CSMD1: variants seen among roughly 807,000 people sequenced by gnomAD.
The protein encoded by CSMD1 is CUB and sushi domain-containing protein 1.
CSMD1 carries 213 observed loss-of-function variants against 417.5 expected under a neutral mutation model. The observed-to-expected ratio is 0.51, with a 90% CI of 0.46 to 0.57. CSMD1 has a LOEUF of 0.57. Ranked by LOEUF, CSMD1 falls within the 20% of genes least tolerant of loss-of-function variation. The pLI is 0.00. For synonymous variants in CSMD1, 2,862 were observed against 1,736.8 expected, an observed-to-expected ratio of 1.65 and a Z score of -16.11; for missense variants, 6,923 against 4,529.7, an observed-to-expected ratio of 1.53 and a Z score of -15.17.
intron 49 of CSMD1, among the ~76,000 whole-genome samples, chr8:3,059,378 G>C (rs1812443066): frequency 6.9e-6 from 1 of 144,334 alleles, no homozygotes. Context: ...GCTTTTCTCT[G>C]CAACAACTCA....
intron 3 of CSMD1, among the ~76,000 whole-genome samples, chr8:4,191,625 C>G (rs913640904): frequency 1.3e-5 from 2 of 150,220 alleles, no homozygotes; most frequent in Admixed American, 6.7e-5. Flanking sequence ...AAGAAAACTA[C>G]AAGATACATT....
intron 26 of CSMD1, among the ~76,000 whole-genome samples, chr8:3,261,914 A>G (rs980823349): frequency 6.6e-6 from 1 of 151,930 alleles, no homozygotes; most frequent in African/African-American, 2.4e-5. Context: ...TCCTGGGGGA[A>G]ATGTCCTACT....
At chr8:3,625,861 T>C (rs1226141535) in intron 7 of CSMD1, among the ~76,000 whole-genome samples, 4 of 152,162 alleles carry the variant, frequency 2.6e-5, no homozygotes, top group African/African-American at 9.7e-5. Flanking sequence ...AGATTTTTCA[T>C]AAGGGCTCAG....
intron 6 of CSMD1, among the ~76,000 whole-genome samples, chr8:3,730,838 T>C (rs1321482948): frequency 6.6e-6 from 1 of 152,172 alleles, no homozygotes; most frequent in African/African-American, 2.4e-5. Context: ...TTATGCCAGA[T>C]ATTAGGAAAT....
Position 4,240,971 on chromosome 8 carries a change from G to C in CSMD1, c.415+178982C>G, listed in dbSNP as rs138088576. Among the ~76,000 whole-genome samples the C allele has an allele frequency of 3.4e-3, 520 of 152,150 alleles. 6 individuals are homozygous for C. Among genetic ancestry groups the C allele is most frequent in the African/African-American group, 0.012 (496 of 41,516 alleles). ...ATTATACCTTCTAAATACCCTTTAA[G>C]TCTGTTCAATTATTTCCAGCCAACG... On this transcript the variant is annotated intron_variant, in intron 3 of 69. Coordinates refer to ENST00000635120, the MANE Select transcript of CSMD1 (RefSeq NM_033225.6).
At chr8:4,164,131 G>A (rs926791494) in intron 3 of CSMD1, among the ~76,000 whole-genome samples, 2 of 151,402 alleles carry the variant, frequency 1.3e-5, no homozygotes, top group African/African-American at 2.4e-5. Flanking sequence ...TATTATACCT[G>A]ATAGTGTTCT....
chr8:3,119,931 C>A (rs1817098319), intron 41 of CSMD1, among the ~76,000 whole-genome samples: 1 of 152,110 alleles, frequency 6.6e-6, no homozygotes, highest in East Asian at 1.9e-4. Flanking sequence ...AAAATCAAGT[C>A]ATAAAATAAA....
At chr8:3,778,555 G>C (rs765626887) in intron 5 of CSMD1, among the ~76,000 whole-genome samples, 2 of 152,132 alleles carry the variant, frequency 1.3e-5, no homozygotes, top group Non-Finnish European at 2.9e-5. Flanking sequence ...CTCTTGCCTG[G>C]GGTTTATTTT....
rs543948128 is a variant in CSMD1, at chr8:4,638,012, G to C, written c.86-454C>G. Among the ~76,000 whole-genome samples the C allele has an allele frequency of 3.3e-5, 5 of 152,240 alleles. No individual in the cohort carries two copies. The East Asian group carries it at 9.7e-4, about 29-fold the overall frequency. On this transcript the variant is annotated intron_variant, in intron 1 of 69. Coordinates refer to ENST00000635120, the MANE Select transcript of CSMD1 (RefSeq NM_033225.6). ...ATTTTATAATTCTTGCACAAATATT[G>C]AAGGATAAATTAAGTGTTCTGCAGT...
chr8:3,653,138 T>C (rs1797943393), intron 7 of CSMD1, among the ~76,000 whole-genome samples: 1 of 151,940 alleles, frequency 6.6e-6, no homozygotes, highest in Admixed American at 6.6e-5. Context: ...GCCCTATAAA[T>C]TCAAATTTTT....
In CSMD1 at chr8:3,367,311, G is replaced by A. The variant is rs980468784; in HGVS notation, c.2900-64C>T. 3.0e-5 allele frequency: 31 copies of A among 1,040,148 alleles called. No homozygotes were observed. The African/African-American group carries it at 4.1e-4, about 14-fold the overall frequency. 64.4% of individuals were successfully genotyped at this position (1,040,148 alleles called of 1,614,324 possible). On this transcript the variant is annotated intron_variant, in intron 19 of 69. Transcript: ENST00000635120. Reference sequence around the variant, plus strand: ...AGAGACACACGGGGCGGCGGGGGCAGAGAGGGAGCGGGGCAGAGAGAGACA... The same window carrying A: ...AGAGACACACGGGGCGGCGGGGGCAAAGAGGGAGCGGGGCAGAGAGAGACA...
chr8:4,813,425 G>A (rs1045236299), intron 1 of CSMD1, among the ~76,000 whole-genome samples: 1 of 152,108 alleles, frequency 6.6e-6, no homozygotes, highest in Non-Finnish European at 1.5e-5. Flanking sequence ...CAGCCTACCA[G>A]TCTGCCTTGT....
At chr8:4,930,013 G>A (rs903889319) in intron 1 of CSMD1, among the ~76,000 whole-genome samples, 2 of 152,140 alleles carry the variant, frequency 1.3e-5, no homozygotes, top group South Asian at 2.1e-4. Flanking sequence ...CACTGATGAG[G>A]TGAATGAAGA....
At position 3,930,296 on chromosome 8, in the gene CSMD1, C is replaced by G. The variant is rs561387667; in HGVS notation, c.818+67607G>C. Reference sequence around the variant, plus strand: ...AATAGTAACTTCTCTTAGAAGCAAACTTTATTCAAAGACCTGTGCTAACAC... The same window carrying G: ...AATAGTAACTTCTCTTAGAAGCAAAGTTTATTCAAAGACCTGTGCTAACAC... On this transcript the variant is annotated intron_variant, in intron 5 of 69. Coordinates refer to ENST00000635120, the MANE Select transcript of CSMD1 (RefSeq NM_033225.6). Among the ~76,000 whole-genome samples the G allele has an allele frequency of 1.0e-4, 15 of 150,478 alleles. 1 individual carries two copies. Among genetic ancestry groups the G allele is most frequent in the South Asian group, 6.4e-4 (3 of 4,672 alleles).
At chr8:4,611,038 C>A (rs543529203) in intron 2 of CSMD1, among the ~76,000 whole-genome samples, 12 of 150,526 alleles carry the variant, frequency 8.0e-5, no homozygotes, top group African/African-American at 1.2e-4. Context: ...ATTTTTTTTT[C>A]TTTTTGGTCT....
At chr8:3,601,333 A>C (rs1469148559) in intron 8 of CSMD1, among the ~76,000 whole-genome samples, 2 of 152,216 alleles carry the variant, frequency 1.3e-5, no homozygotes, top group African/African-American at 2.4e-5. Context: ...GACATATAGG[A>C]GCTGTAGAAG....
intron 1 of CSMD1, among the ~76,000 whole-genome samples, chr8:4,754,363 C>A (rs1016274991): frequency 1.3e-5 from 2 of 152,160 alleles, no homozygotes; most frequent in Non-Finnish European, 2.9e-5. Context: ...ACAGCGCTAT[C>A]CCACCCACAT....
intron 2 of CSMD1, among the ~76,000 whole-genome samples, chr8:4,589,157 AAAAG>A (rs1260636643): frequency 6.6e-6 from 1 of 152,194 alleles, no homozygotes; most frequent in African/African-American, 2.4e-5. Context: ...TCTCAATGAG[AAAAG>A]AAAGAAAAGT....
At chr8:3,745,555 T>A (rs1385624581) in intron 6 of CSMD1, among the ~76,000 whole-genome samples, 1 of 152,190 alleles carries the variant, frequency 6.6e-6, no homozygotes, top group Non-Finnish European at 1.5e-5. Flanking sequence ...GTTGCCACAT[T>A]CATCTTTTGC....
Sources: allele counts gnomAD v4.1 joint callset (sites outside exome capture counted in the v4.1 genomes callset), GRCh38; gene constraint gnomAD v4.1.1; transcripts MANE v1.5; gene names NCBI Gene and HGNC (gene_info 2026-07-23, HGNC 2026-07-21).